The following PDE1A variants were observed in gnomAD, a reference collection of about 807,000 sequenced individuals.
The protein encoded by PDE1A is dual specificity calcium/calmodulin-dependent 3',5'-cyclic nucleotide phosphodiesterase 1A.
PDE1A carries 35 observed loss-of-function variants against 61.7 expected under a neutral mutation model. The ratio of observed to expected loss-of-function variants is 0.57; its 90% CI spans 0.43 to 0.75. The LOEUF is 0.75. Ranked by LOEUF, PDE1A falls within the 30% of genes least tolerant of loss-of-function variation. The pLI is 0.00. For synonymous variants in PDE1A, 232 were observed against 213.2 expected, an observed-to-expected ratio of 1.09 and a Z score of -0.77; for missense variants, 597 against 630.6, an observed-to-expected ratio of 0.95 and a Z score of 0.57.
At chr2:182,556,298 T>C in the PDE1A span, among the ~76,000 whole-genome samples, 1 of 152,134 alleles carries the variant, frequency 6.6e-6, no homozygotes, top group African/African-American at 2.4e-5. Flanking sequence ...GGCTGAGATC[T>C]GAAAGATAAT....
chr2:182,416,901 T>C (rs1180939609), intron 1 of PDE1A, among the ~76,000 whole-genome samples: 1 of 152,206 alleles, frequency 6.6e-6, no homozygotes, highest in Admixed American at 6.5e-5. Flanking sequence ...CCAAACTCAT[T>C]TGATGCTTTT....
At chr2:182,554,013 C>T in the PDE1A span, among the ~76,000 whole-genome samples, 164 of 152,164 alleles carry the variant, frequency 1.1e-3, no homozygotes, top group African/African-American at 3.2e-3. Flanking sequence ...AGGGGGGTTA[C>T]GGGATCAGGT....
At chr2:182,274,918 T>G (rs188202591) in intron 1 of PDE1A, among the ~76,000 whole-genome samples, 1 of 152,064 alleles carries the variant, frequency 6.6e-6, no homozygotes, top group Admixed American at 6.6e-5. Context: ...TGAGAACGCA[T>G]CATCACTGGT....
the PDE1A span, among the ~76,000 whole-genome samples, chr2:182,583,428 TC>T: frequency 6.6e-6 from 1 of 152,222 alleles, no homozygotes; most frequent in African/African-American, 2.4e-5. Flanking sequence ...AAAATGCCTT[TC>T]TCAAGGAGCT....
chr2:182,535,094 C>T, the PDE1A span, among the ~76,000 whole-genome samples: 2 of 151,898 alleles, frequency 1.3e-5, no homozygotes, highest in African/African-American at 4.8e-5. Context: ...TATATAAGTA[C>T]TGTATTTGTC....
chr2:182,396,673 T>C (rs985234639), intron 1 of PDE1A, among the ~76,000 whole-genome samples: 2 of 152,236 alleles, frequency 1.3e-5, no homozygotes, highest in African/African-American at 4.8e-5. Flanking sequence ...TATTTAAGTG[T>C]TGTTATCTTT....
chr2:182,559,334 G>A, the PDE1A span, among the ~76,000 whole-genome samples: 2 of 152,028 alleles, frequency 1.3e-5, no homozygotes, highest in African/African-American at 4.8e-5. Context: ...TGTAAACTAT[G>A]GTAAGAAGCT....
chr2:182,710,185 G>A, the PDE1A span, among the ~76,000 whole-genome samples: 4 of 152,174 alleles, frequency 2.6e-5, no homozygotes, highest in East Asian at 1.9e-4. Context: ...GTGAGCCACT[G>A]CACCTGGCCC....
intron 1 of PDE1A, among the ~76,000 whole-genome samples, chr2:182,376,328 C>T (rs1015393278): frequency 5.3e-5 from 8 of 152,144 alleles, no homozygotes; most frequent in African/African-American, 1.9e-4. Context: ...TTAGAAATTT[C>T]TTCTGCCAGA....
chr2:182,140,620 T>A (rs750734164), exon 15 of PDE1A: 1 of 152,230 alleles, frequency 6.6e-6, no homozygotes, highest in African/African-American at 2.4e-5. Flanking sequence ...TGAAAAGGCA[T>A]ATAAACTGCA....
chr2:182,584,779 G>A, the PDE1A span, among the ~76,000 whole-genome samples: 1 of 152,298 alleles, frequency 6.6e-6, no homozygotes, highest in Non-Finnish European at 1.5e-5. Context: ...CTACACCAGG[G>A]CATTGGCTCT....
At chr2:182,453,390 G>A (rs958065170) in intron 2 of PDE1A, among the ~76,000 whole-genome samples, 23 of 151,488 alleles carry the variant, frequency 1.5e-4, no homozygotes, top group Non-Finnish European at 7.4e-5. Context: ...CATGATGCCC[G>A]ATTTGGTCTA....
the PDE1A span, among the ~76,000 whole-genome samples, chr2:182,664,750 C>T: frequency 6.6e-6 from 1 of 152,164 alleles, no homozygotes; most frequent in South Asian, 2.1e-4. Flanking sequence ...TTAATGAATG[C>T]ACTTGGATCC....
chr2:182,381,718 G>A (rs1454202558), intron 1 of PDE1A, among the ~76,000 whole-genome samples: 9 of 151,892 alleles, frequency 5.9e-5, no homozygotes, highest in East Asian at 1.9e-4. Context: ...AGGCTGAGGC[G>A]GGAGAATCGC....
At chr2:182,294,874 A>G (rs1694769679) in intron 1 of PDE1A, among the ~76,000 whole-genome samples, 2 of 152,022 alleles carry the variant, frequency 1.3e-5, no homozygotes, top group Non-Finnish European at 2.9e-5. Context: ...ATGACAAATC[A>G]AAGTTATAAG....
the PDE1A span, among the ~76,000 whole-genome samples, chr2:182,603,183 T>C: frequency 6.6e-6 from 1 of 152,164 alleles, no homozygotes; most frequent in Non-Finnish European, 1.5e-5. Context: ...TGTTCTTTTA[T>C]TGTTTCTAGA....
intron 2 of PDE1A, among the ~76,000 whole-genome samples, chr2:182,261,900 T>C (rs1692242678): frequency 6.6e-6 from 1 of 151,832 alleles, no homozygotes; most frequent in Admixed American, 6.5e-5. Context: ...TAAAGTTTTA[T>C]AGATAAATAG....
the PDE1A span, among the ~76,000 whole-genome samples, chr2:182,695,433 A>G: frequency 6.6e-6 from 1 of 152,078 alleles, no homozygotes; most frequent in South Asian, 2.1e-4. Context: ...AAAATTTAAA[A>G]TTTCTGCTCT....
At chr2:182,380,063 T>A (rs1156664475) in intron 1 of PDE1A, among the ~76,000 whole-genome samples, 1 of 151,978 alleles carries the variant, frequency 6.6e-6, no homozygotes, top group Non-Finnish European at 1.5e-5. Flanking sequence ...TTCTCCCTGA[T>A]TCTCCTCTTA....
Sources: allele counts gnomAD v4.1 joint callset (sites outside exome capture counted in the v4.1 genomes callset), GRCh38; gene constraint gnomAD v4.1.1; transcripts MANE v1.5; gene names NCBI Gene and HGNC (gene_info 2026-07-23, HGNC 2026-07-21).